Variants in PDE11A observed in about 807,000 individuals in gnomAD.
PDE11A encodes the protein phosphodiesterase 11A.
In PDE11A, 100 loss-of-function variants were observed where a neutral mutation model predicts 100.5. That is an observed-to-expected ratio of 1.00 (90% CI 0.85 to 1.18). The LOEUF is 1.18. Ranked by LOEUF, PDE11A falls within the 50% of genes most tolerant of loss-of-function variation. The pLI is 0.00. For synonymous variants in PDE11A, 381 were observed against 420.8 expected, an observed-to-expected ratio of 0.91 and a Z score of 1.16; for missense variants, 1,141 against 1,152.6, an observed-to-expected ratio of 0.99 and a Z score of 0.15.
At chr2:177,928,375 G>A (rs754847170) in intron 2 of PDE11A, among the ~76,000 whole-genome samples, 5 of 152,160 alleles carry the variant, frequency 3.3e-5, no homozygotes, top group Admixed American at 6.5e-5. Flanking sequence ...GTGCACACCT[G>A]TAGTCTCAGC....
chr2:177,903,945 G>T (rs184273288), intron 3 of PDE11A, among the ~76,000 whole-genome samples: 4 of 152,278 alleles, frequency 2.6e-5, no homozygotes, highest in African/African-American at 4.8e-5. Flanking sequence ...ACAGAGAAAA[G>T]ATGTGGTATG....
intron 5 of PDE11A, 95 bp from the exon 6 acceptor site, chr2:177,840,478 G>C (rs746975137): frequency 2.6e-5 from 29 of 1,103,160 alleles, no homozygotes; most frequent in Non-Finnish European, 3.7e-5. Flanking sequence ...AGGATAATCT[G>C]TCCTTATTAA....
At chr2:177,695,851 C>A (rs1390324212) in intron 15 of PDE11A, among the ~76,000 whole-genome samples, 1 of 152,132 alleles carries the variant, frequency 6.6e-6, no homozygotes, top group Non-Finnish European at 1.5e-5. Context: ...TGATGCAATG[C>A]CACAGTGCTT....
At chr2:177,696,416 G>T (rs897882520) in intron 15 of PDE11A, among the ~76,000 whole-genome samples, 5 of 152,128 alleles carry the variant, frequency 3.3e-5, no homozygotes, top group African/African-American at 1.2e-4. Flanking sequence ...GCTGGAGATT[G>T]GGCAAGCAAG....
chr2:178,004,710 C>T (rs2086184177), intron 2 of PDE11A, among the ~76,000 whole-genome samples: 1 of 152,180 alleles, frequency 6.6e-6, no homozygotes, highest in African/African-American at 2.4e-5. Flanking sequence ...GTCCTGCCAG[C>T]ATCAAGAGCT....
chr2:177,736,637 T>C (rs144980213), intron 10 of PDE11A, among the ~76,000 whole-genome samples: 173 of 152,238 alleles, frequency 1.1e-3, no homozygotes, highest in East Asian at 0.011. Context: ...CTGATCCTTG[T>C]GCATTTACCT....
chr2:177,686,811 G>A (rs1574044418), intron 15 of PDE11A: 1 of 147,310 alleles, frequency 6.8e-6, no homozygotes. Context: ...CTGGGTTCAA[G>A]TGATTCTCCT....
In PDE11A at chr2:178,015,479, T is replaced by C. The variant is rs2086323509; in HGVS notation, c.913-1019A>G. On this transcript the variant is annotated intron_variant, in intron 1 of 19. Transcript: ENST00000286063. Reference sequence around the variant, plus strand: ...AGTTAAACCATGGGAGCTATACCAATTTAAAGAAGACTGAAGAGACCTGAA... The same window carrying C: ...AGTTAAACCATGGGAGCTATACCAACTTAAAGAAGACTGAAGAGACCTGAA... 2.0e-5 allele frequency among the ~76,000 whole-genome samples: 3 copies of C among 152,164 alleles called. 1 individual carries two copies. The highest frequency in any genetic ancestry group is 6.5e-5 in the Admixed American group (1 of 15,274).
rs567996649 is a variant in PDE11A, at chr2:177,990,132, G to A, written c.1071+24170C>T. 5.9e-5 allele frequency among the ~76,000 whole-genome samples: 9 copies of A among 152,226 alleles called. No homozygotes were observed. In the South Asian group the frequency reaches 1.9e-3, roughly 32 times the overall value. On this transcript the variant is annotated intron_variant, in intron 2 of 19. Transcript: ENST00000286063. ...TGATAAGCCTCATCCCAGCACCAACGGGGATAGGTAAGGATAGAGGTGGAA... is the reference window on the plus strand; with the variant it reads ...TGATAAGCCTCATCCCAGCACCAACAGGGATAGGTAAGGATAGAGGTGGAA...
At chr2:178,096,181 T>TTTTTTTTTTTTGG (rs1234801707) in intron 2 of PDE11A, among the ~76,000 whole-genome samples, 1 of 148,122 alleles carries the variant, frequency 6.8e-6, no homozygotes. Flanking sequence ...TTTTTTTTTT[T>TTTTTTTTTTTTGG]GAGATGGAGT....
intron 5 of PDE11A, among the ~76,000 whole-genome samples, chr2:177,857,347 C>T (rs114562762): frequency 0.029 from 4,391 of 151,868 alleles, 209 homozygotes; most frequent in African/African-American, 0.1. Flanking sequence ...AATCTGAATC[C>T]ACATGAAGAA....
chr2:177,881,353 A>ATCTATCTTATCTATCATCTATCTG (rs2084337430), intron 4 of PDE11A, among the ~76,000 whole-genome samples: 1 of 150,968 alleles, frequency 6.6e-6, no homozygotes, highest in African/African-American at 2.5e-5. Flanking sequence ...CTATCTATCT[A>ATCTATCTTATCTATCATCTATCTG]TCTATCTATC....
At chr2:177,913,743 C>T (rs1297117177) in intron 2 of PDE11A, among the ~76,000 whole-genome samples, 2 of 152,134 alleles carry the variant, frequency 1.3e-5, no homozygotes, top group Admixed American at 1.3e-4. Context: ...ATCTTAATGT[C>T]TGCAGAATAT....
intron 5 of PDE11A, 91 bp from the exon 6 acceptor site, chr2:177,840,474 A>G: frequency 9.0e-7 from 1 of 1,111,566 alleles, no homozygotes; most frequent in Non-Finnish European, 1.4e-6. Flanking sequence ...TATCAGGATA[A>G]TCTGTCCTTA....
intron 1 of PDE11A, among the ~76,000 whole-genome samples, chr2:178,107,476 T>C (rs982151028): frequency 1.3e-5 from 2 of 150,874 alleles, no homozygotes; most frequent in South Asian, 2.1e-4. Context: ...AGAGTAACAG[T>C]AGCAAACATT....
At chr2:177,980,403 AT>A (rs1288991799) in intron 2 of PDE11A, among the ~76,000 whole-genome samples, 1 of 150,688 alleles carries the variant, frequency 6.6e-6, no homozygotes, top group Non-Finnish European at 1.5e-5. Context: ...CTTGGTTTGG[AT>A]TTTTGATCAG....
At position 178,068,566 on chromosome 2, in the gene PDE11A, C is replaced by G. The variant is rs181051432; in HGVS notation, c.912+2960G>C. On this transcript the variant is annotated intron_variant, in intron 1 of 19. Coordinates refer to ENST00000286063, the MANE Select transcript of PDE11A (RefSeq NM_016953.4). ...TGAAGAAAAAATACACTGTCTGAAG[C>G]TGAGCAAGAAACACCTTAAAAATAT... Among the ~76,000 whole-genome samples, 3 of 151,760 alleles carry G rather than the reference C, an allele frequency of 2.0e-5. No individual in the cohort carries two copies. In the East Asian group the frequency reaches 5.8e-4, roughly 29 times the overall value.
intron 14 of PDE11A, 134 bp from the exon 15 acceptor site, chr2:177,697,566 T>C (rs1043639214): frequency 3.1e-6 from 2 of 641,202 alleles, no homozygotes; most frequent in African/African-American, 3.7e-5. Context: ...AAATTTTGTA[T>C]AAATATAAAC....
At chr2:177,857,444 T>C (rs1414534128) in intron 5 of PDE11A, among the ~76,000 whole-genome samples, 1 of 152,018 alleles carries the variant, frequency 6.6e-6, no homozygotes, top group Non-Finnish European at 1.5e-5. Flanking sequence ...TACTATCTCA[T>C]TTAAAGACAA....
Sources: gnomAD v4.1 joint callset for allele counts (sites outside exome capture counted in the v4.1 genomes callset) on GRCh38, gnomAD v4.1.1 for gene constraint, MANE v1.5 for transcripts, NCBI Gene and HGNC (gene_info 2026-07-23, HGNC 2026-07-21) for gene names.